XKR4: variants seen among roughly 807,000 people sequenced by gnomAD.
XKR4 encodes XK related 4.
XKR4 carries 12 observed loss-of-function variants against 53.9 expected under a neutral mutation model. The ratio of observed to expected loss-of-function variants is 0.22; its 90% CI spans 0.14 to 0.36. The LOEUF (loss-of-function observed/expected upper bound fraction) is 0.36. Ranked by LOEUF, XKR4 falls within the 10% of genes least tolerant of loss-of-function variation. XKR4 has a pLI of 1.00. For synonymous variants in XKR4, 354 were observed against 362.4 expected (o/e 0.98, Z 0.26); for missense variants, 799 against 859.5 (o/e 0.93, Z 0.88).
At chr8:55,244,664 T>C (rs1403214057) in intron 1 of XKR4, among the ~76,000 whole-genome samples, 1 of 152,200 alleles carries the variant, frequency 6.6e-6, no homozygotes, top group Non-Finnish European at 1.5e-5. Context: ...ATGGCAGAAC[T>C]AATGTACATT....
At chr8:55,412,111 G>A (rs763903191) in intron 2 of XKR4, among the ~76,000 whole-genome samples, 15 of 152,160 alleles carry the variant, frequency 9.9e-5, no homozygotes, top group Admixed American at 5.9e-4. Flanking sequence ...CAGGGTGGAC[G>A]CTGATTTCCA....
At chr8:55,381,656 G>A (rs1034874956) in intron 2 of XKR4, among the ~76,000 whole-genome samples, 2 of 151,910 alleles carry the variant, frequency 1.3e-5, no homozygotes, top group Non-Finnish European at 2.9e-5. Context: ...CCCACATTGA[G>A]AGCAGATCTC....
At chr8:55,337,541 G>T (rs1035057731) in intron 1 of XKR4, among the ~76,000 whole-genome samples, 1 of 152,148 alleles carries the variant, frequency 6.6e-6, no homozygotes, top group African/African-American at 2.4e-5. Flanking sequence ...GCCTGGGAAG[G>T]GTGAAAACAT....
At chr8:55,459,350 C>A (rs1294180594) in intron 2 of XKR4, among the ~76,000 whole-genome samples, 4 of 152,092 alleles carry the variant, frequency 2.6e-5, no homozygotes, top group Non-Finnish European at 5.9e-5. Context: ...AGAAGAAAAT[C>A]TTTCTGGCCT....
At chr8:55,435,713 C>A (rs1805166756) in intron 2 of XKR4, among the ~76,000 whole-genome samples, 1 of 151,672 alleles carries the variant, frequency 6.6e-6, no homozygotes, top group African/African-American at 2.4e-5. Flanking sequence ...GGACCCCAGG[C>A]ATATGCCACC....
At chr8:55,260,189 T>G (rs539028220) in intron 1 of XKR4, among the ~76,000 whole-genome samples, 2 of 152,314 alleles carry the variant, frequency 1.3e-5, no homozygotes, top group African/African-American at 4.8e-5. Flanking sequence ...CCCTATTCTT[T>G]CCCCTACAGC....
intron 1 of XKR4, among the ~76,000 whole-genome samples, chr8:55,304,367 T>G (rs1279781252): frequency 2.0e-5 from 3 of 152,184 alleles, no homozygotes; most frequent in African/African-American, 7.2e-5. Flanking sequence ...AGAGACAGTT[T>G]GTTATAATTT....
intron 1 of XKR4, among the ~76,000 whole-genome samples, chr8:55,178,769 A>G (rs1817267684): frequency 6.6e-6 from 1 of 152,030 alleles, no homozygotes. Context: ...ACCTTTTGGA[A>G]CTCTTCCATC....
Position 55,533,840 on chromosome 8 carries a change from G to A in XKR4, c.*9613G>A, listed in dbSNP as rs548424774. On this transcript the variant is annotated 3_prime_UTR_variant, in exon 3 of 3. Transcript: ENST00000327381. The stretch of plus-strand genomic sequence containing the variant: ...GTACCATGACGTGCACAGGCCTGAA[G>A]AGAAATACCTCTGTGAAGTGGAGCG... The A allele has an allele frequency of 3.3e-5, 5 of 152,366 alleles. No homozygotes were observed. The highest frequency in any genetic ancestry group is 1.2e-4 in the African/African-American group (5 of 41,584). 9.4% of individuals were successfully genotyped at this position (152,366 alleles called of 1,614,324 possible).
In XKR4 at chr8:55,488,714, C is replaced by A. The variant is rs1446189583; in HGVS notation, c.1007-34567C>A. On this transcript the variant is annotated intron_variant, in intron 2 of 2. Coordinates refer to ENST00000327381, the MANE Select transcript of XKR4 (RefSeq NM_052898.2). ...CAGCACTTTGGGAGGCCGAGGCGGGCGGATCACGAGGTCAGGAGATCGAGA... is the reference window on the plus strand; with the variant it reads ...CAGCACTTTGGGAGGCCGAGGCGGGAGGATCACGAGGTCAGGAGATCGAGA... Among the ~76,000 whole-genome samples, 4 of 10,258 alleles carry A rather than the reference C, an allele frequency of 3.9e-4. 1 individual carries two copies. Among genetic ancestry groups the A allele is most frequent in the Non-Finnish European group, 6.8e-4 (4 of 5,854 alleles). 6.7% of individuals were successfully genotyped at this position (10,258 alleles called of 152,430 possible).
In XKR4 at chr8:55,424,099, CAATT is replaced by C. The variant is rs1389310904; in HGVS notation, c.1006+66227_1006+66230del. 8.0e-4 allele frequency among the ~76,000 whole-genome samples: 121 copies of C among 152,182 alleles called. 1 individual carries two copies. Among genetic ancestry groups the C allele is most frequent in the Non-Finnish European group, 8.8e-5 (6 of 68,038 alleles). On this transcript the variant is annotated intron_variant, in intron 2 of 2. Coordinates refer to ENST00000327381, the MANE Select transcript of XKR4 (RefSeq NM_052898.2). ...TGTAGGAGCACATGCAACTGACTGG[CAATT>C]AATTTGATTTTGCACCTGCTTCAGA...
intron 2 of XKR4, among the ~76,000 whole-genome samples, chr8:55,373,414 G>A (rs1227276539): frequency 6.6e-6 from 1 of 152,078 alleles, no homozygotes; most frequent in East Asian, 1.9e-4. Flanking sequence ...TGATCTACCC[G>A]CCTTGGCCTC....
chr8:55,365,432 C>T (rs1486923875), intron 2 of XKR4, among the ~76,000 whole-genome samples: 2 of 152,170 alleles, frequency 1.3e-5, no homozygotes, highest in East Asian at 3.9e-4. Context: ...GGGCTGGACG[C>T]GGTGACTCAC....
chr8:55,355,140 G>T (rs1362037264), intron 1 of XKR4, among the ~76,000 whole-genome samples: 1 of 151,938 alleles, frequency 6.6e-6, no homozygotes, highest in East Asian at 1.9e-4. Context: ...CTGACCTCAG[G>T]TGGTCCGCCC....
intron 1 of XKR4, among the ~76,000 whole-genome samples, chr8:55,346,450 A>C (rs1036167256): frequency 3.3e-5 from 5 of 152,212 alleles, no homozygotes; most frequent in Non-Finnish European, 7.3e-5. Flanking sequence ...AGTGGGAAAT[A>C]AAGTCTAATC....
chr8:55,244,442 C>T (rs1818254958), intron 1 of XKR4, among the ~76,000 whole-genome samples: 1 of 152,120 alleles, frequency 6.6e-6, no homozygotes, highest in Non-Finnish European at 1.5e-5. Flanking sequence ...GTATATGTAC[C>T]ACATTTCCTT....
At chr8:55,205,139 A>G (rs1320301398) in intron 1 of XKR4, among the ~76,000 whole-genome samples, 2 of 152,264 alleles carry the variant, frequency 1.3e-5, no homozygotes, top group African/African-American at 4.8e-5. Flanking sequence ...TATATTTACT[A>G]AAACATAAAC....
At chr8:55,380,011 C>A (rs1241510896) in intron 2 of XKR4, among the ~76,000 whole-genome samples, 1 of 152,224 alleles carries the variant, frequency 6.6e-6, no homozygotes, top group South Asian at 2.1e-4. Flanking sequence ...CAAAGCCAGG[C>A]ACTTAATTCT....
At chr8:55,288,436 C>A (rs1367091043) in intron 1 of XKR4, among the ~76,000 whole-genome samples, 1 of 152,166 alleles carries the variant, frequency 6.6e-6, no homozygotes, top group Non-Finnish European at 1.5e-5. Flanking sequence ...TAAACAGTAG[C>A]TTCTACAATG....
Sources: gnomAD v4.1 joint callset for allele counts (sites outside exome capture counted in the v4.1 genomes callset) on GRCh38, gnomAD v4.1.1 for gene constraint, MANE v1.5 for transcripts, NCBI Gene and HGNC (gene_info 2026-07-23, HGNC 2026-07-21) for gene names.